Variants in CFAP70 observed in about 807,000 individuals in gnomAD.
CFAP70 encodes cilia and flagella associated protein 70, also known as cilia- and flagella-associated protein 70.
A neutral mutation model predicts 137.6 loss-of-function variants in CFAP70; 81 were observed. That is an observed-to-expected ratio of 0.59 (90% confidence interval 0.49 to 0.71). The LOEUF (loss-of-function observed/expected upper bound fraction) is 0.71, where lower values mean the gene tolerates loss of function less well. CFAP70 is among the 30% of genes least tolerant of loss of function. The pLI, the probability that CFAP70 is intolerant of heterozygous loss-of-function variation, is 0.00. For missense variants in CFAP70, 976 were observed against 1,226.7 expected (o/e 0.80, Z 3.05); for synonymous variants, 382 against 423.6 (o/e 0.90, Z 1.20).
intron 9 of CFAP70, among the ~76,000 whole-genome samples, chr10:73,316,522 CAT>C (rs1405855200): frequency 7.0e-6 from 1 of 142,658 alleles, no homozygotes; most frequent in African/African-American, 2.6e-5. Context: ...ATGACGTACA[CAT>C]AAATATATAT....
intron 24 of CFAP70, chr10:73,272,664 G>A (rs2046404900): frequency 3.8e-6 from 2 of 528,694 alleles, no homozygotes; most frequent in South Asian, 4.0e-5. Flanking sequence ...ACAAAGGAGT[G>A]TCTATACCAA....
At chr10:73,350,691 C>A (rs2054120516) in intron 3 of CFAP70, among the ~76,000 whole-genome samples, 1 of 151,796 alleles carries the variant, frequency 6.6e-6, no homozygotes, top group East Asian at 1.9e-4. Context: ...ATTTTAATTC[C>A]ATGATTTCTT....
At chr10:73,291,593 T>C (rs1451307729) in intron 18 of CFAP70, 47 bp downstream of exon 19, 2 of 1,555,718 alleles carry the variant, frequency 1.3e-6, no homozygotes, top group Non-Finnish European at 1.8e-6. Flanking sequence ...AAAGGGAAAA[T>C]CTTATAATGG....
chr10:73,351,071 GTATATATA>G (rs1158760266), intron 3 of CFAP70, among the ~76,000 whole-genome samples: 1,320 of 31,352 alleles, frequency 0.042, 29 homozygotes, highest in East Asian at 0.14. Context: ...GTGTGTGTGT[GTATATATA>G]TATATATATA....
At position 73,275,054 on chromosome 10, in the gene CFAP70, A is replaced by C; in HGVS notation, c.2673+392T>G. The C allele has an allele frequency of 6.2e-6, 1 of 162,070 alleles. No homozygotes were observed. Among genetic ancestry groups the C allele is most frequent in the Admixed American group, 6.4e-5 (1 of 15,684 alleles). 10.0% of individuals were successfully genotyped at this position (162,070 alleles called of 1,614,324 possible). A position where few individuals can be genotyped will look rare whatever the true frequency, so the allele number is the denominator to read the frequency against. ...GAGTGCAATGGCTCAATCTCCGCTC[A>C]CTGCAACCTCCGCCTCCCAGGTTCA... On this transcript the variant is annotated intron_variant, in intron 22 of 26. Transcript: ENST00000310715. The surrounding 1 kb of genome is among the most constrained non-coding windows in gnomAD (Gnocchi z 4.0).
At chr10:73,307,989 C>CA (rs371058579) in intron 12 of CFAP70, among the ~76,000 whole-genome samples, 2,073 of 80,010 alleles carry the variant, frequency 0.026, 75 homozygotes, top group Admixed American at 0.14. Context: ...TACTAAAATA[C>CA]AAAAAAAAAA....
chr10:73,258,462 T>G (rs1266260122), intron 25 of CFAP70, among the ~76,000 whole-genome samples: 2 of 152,238 alleles, frequency 1.3e-5, no homozygotes, highest in East Asian at 3.8e-4. Context: ...TGAGGATGTA[T>G]GTTGCCTCAG....
upstream of CFAP70, among the ~76,000 whole-genome samples, chr10:73,360,798 T>C (rs558318129): frequency 2.0e-5 from 3 of 152,268 alleles, no homozygotes; most frequent in Non-Finnish European, 2.9e-5. Flanking sequence ...TGACAGACTC[T>C]TTCTACATAA....
At chr10:73,278,394 T>C in intron 19 of CFAP70, 57 bp from the exon 21 acceptor site, 1 of 1,445,214 alleles carries the variant, frequency 6.9e-7, no homozygotes, top group Non-Finnish European at 9.5e-7. Context: ...TGTTTAAAGG[T>C]TATTGTAAGA....
At chr10:73,339,518 C>T (rs2053044157) in intron 6 of CFAP70, among the ~76,000 whole-genome samples, 2 of 152,200 alleles carry the variant, frequency 1.3e-5, no homozygotes, top group African/African-American at 2.4e-5. Context: ...TCATTTCACC[C>T]ACTTGGCCTG....
chr10:73,308,718 A>G (rs868279730), intron 12 of CFAP70, among the ~76,000 whole-genome samples: 13 of 151,946 alleles, frequency 8.6e-5, no homozygotes, highest in Middle Eastern at 3.4e-3. Context: ...GAAGACTTAA[A>G]ATTAAGAAAA....
chr10:73,334,434 C>T (rs12267130), intron 7 of CFAP70, among the ~76,000 whole-genome samples: 16,089 of 152,128 alleles, frequency 0.11, 1,230 homozygotes, highest in East Asian at 0.3. Flanking sequence ...GAAATGTGAG[C>T]GTGCAAGCTG....
chr10:73,261,556 T>C (rs1182727227), intron 25 of CFAP70, among the ~76,000 whole-genome samples: 9 of 152,148 alleles, frequency 5.9e-5, no homozygotes, highest in African/African-American at 2.2e-4. Context: ...ACTCATTCAC[T>C]ACCAGGAGAA....
chr10:73,291,088 C>T, intron 19 of CFAP70, 138 bp downstream of exon 20: 1 of 686,578 alleles, frequency 1.5e-6, no homozygotes, highest in Non-Finnish European at 2.5e-6. Context: ...GATCACAGCT[C>T]ACTGCAACCT....
intron 21 of CFAP70, 110 bp downstream of exon 22, chr10:73,277,130 T>C (rs970628910): frequency 7.4e-7 from 1 of 1,353,812 alleles, no homozygotes; most frequent in African/African-American, 1.5e-5. Flanking sequence ...CTCAAAAGCA[T>C]ATTTGATTTC....
intron 19 of CFAP70, among the ~76,000 whole-genome samples, chr10:73,282,140 A>G (rs2047304562): frequency 6.6e-6 from 1 of 152,166 alleles, no homozygotes; most frequent in South Asian, 2.1e-4. Context: ...AGGCTGGAGA[A>G]CGAAGCAGCC....
intron 5 of CFAP70, among the ~76,000 whole-genome samples, chr10:73,342,049 G>A (rs181757928): frequency 2.0e-5 from 3 of 152,172 alleles, no homozygotes; most frequent in African/African-American, 7.2e-5. Flanking sequence ...TTATCCTTTA[G>A]AAAACGAACT....
At chr10:73,268,670 A>G (rs1048124248) in intron 25 of CFAP70, among the ~76,000 whole-genome samples, 3 of 148,262 alleles carry the variant, frequency 2.0e-5, no homozygotes, top group Non-Finnish European at 4.4e-5. Context: ...CTGGGGTAAG[A>G]ACTCTTTTTA....
intron 6 of CFAP70, among the ~76,000 whole-genome samples, chr10:73,335,773 GACTA>G (rs2052585720): frequency 6.6e-6 from 1 of 150,772 alleles, no homozygotes; most frequent in African/African-American, 2.4e-5. Context: ...TCCAAATACT[GACTA>G]ACAACCTCAA....
Sources: allele counts gnomAD v4.1 joint callset (sites outside exome capture counted in the v4.1 genomes callset), GRCh38; gene constraint gnomAD v4.1.1; non-coding constraint Gnocchi (gnomAD v3.1); transcripts MANE v1.5; gene names NCBI Gene and HGNC (gene_info 2026-07-23, HGNC 2026-07-21).